PFKFB3: variants seen among roughly 807,000 people sequenced by gnomAD.
The protein encoded by PFKFB3 is 6-phosphofructo-2-kinase/fructose-2,6-bisphosphatase 3.
Under a neutral mutation model 68.0 loss-of-function variants are expected in PFKFB3, and 33 were observed. The ratio of observed to expected loss-of-function variants is 0.49; its 90% confidence interval spans 0.37 to 0.65. The LOEUF is 0.65. PFKFB3 is among the 30% of genes least tolerant of loss of function. The probability of loss-of-function intolerance (pLI) is 0.00; values close to 1 mark genes in which losing one functional copy is unlikely to be tolerated. For missense variants in PFKFB3, 586 were observed against 712.2 expected (o/e 0.82, Z 2.02); for synonymous variants, 315 against 288.2 (o/e 1.09, Z -0.94).
chr10:6,175,826 T>G (rs183273295), intron 1 of PFKFB3, among the ~76,000 whole-genome samples: 107 of 152,364 alleles, frequency 7.0e-4, no homozygotes, highest in African/African-American at 2.5e-3. Flanking sequence ...CCACACCTGT[T>G]TTAGTTAGAG....
chr10:6,265,012 A>T, the PFKFB3 span, among the ~76,000 whole-genome samples: 1 of 152,026 alleles, frequency 6.6e-6, no homozygotes, highest in Non-Finnish European at 1.5e-5. Context: ...TCTCATTCAG[A>T]GACACCTACT....
chr10:6,318,313 G>A, the PFKFB3 span, among the ~76,000 whole-genome samples: 1 of 152,320 alleles, frequency 6.6e-6, no homozygotes, highest in Middle Eastern at 3.4e-3. Flanking sequence ...GACAACCATC[G>A]GAGTGGGGAG....
At chr10:6,307,935 T>G in the PFKFB3 span, among the ~76,000 whole-genome samples, 1 of 152,200 alleles carries the variant, frequency 6.6e-6, no homozygotes, top group Non-Finnish European at 1.5e-5. Flanking sequence ...AGTGATTTTC[T>G]TATTAAATAA....
intron 1 of PFKFB3, chr10:6,152,163 A>C (rs913814594): frequency 6.5e-6 from 1 of 154,428 alleles, no homozygotes; most frequent in Non-Finnish European, 1.5e-5. Context: ...AAGGCCACTA[A>C]TGGGTGGTGA....
At chr10:6,222,660 A>T in intron 10 of PFKFB3, 195 bp from the exon 11 acceptor site, 1 of 485,000 alleles carries the variant, frequency 2.1e-6, no homozygotes, top group South Asian at 2.7e-5. Flanking sequence ...CCCGTGTGGG[A>T]GCGGAGTGGG....
intron 1 of PFKFB3, among the ~76,000 whole-genome samples, chr10:6,186,468 C>G (rs1230956471): frequency 2.6e-5 from 4 of 152,214 alleles, no homozygotes; most frequent in Non-Finnish European, 4.4e-5. Context: ...TACCAGTGAA[C>G]AGTGCCCCCA....
intron 1 of PFKFB3, among the ~76,000 whole-genome samples, chr10:6,206,600 C>CCCGGACGGGGCGGCTGG (rs1843732994): frequency 6.8e-6 from 1 of 146,726 alleles, no homozygotes; most frequent in Admixed American, 6.7e-5. Context: ...CCACCTCCCT[C>CCCGGACGGGGCGGCTGG]CCGGACGGGG....
chr10:6,211,307 A>G (rs1197224195), intron 1 of PFKFB3, among the ~76,000 whole-genome samples: 4 of 152,200 alleles, frequency 2.6e-5, no homozygotes, highest in East Asian at 1.9e-4. Flanking sequence ...GGATAAATCA[A>G]TCAGCCTCTG....
intron 7 of PFKFB3, among the ~76,000 whole-genome samples, 181 bp downstream of exon 7, chr10:6,219,874 T>C (rs1844834069): frequency 6.6e-6 from 1 of 151,400 alleles, no homozygotes; most frequent in African/African-American, 2.4e-5. Context: ...TGGCCTCAGG[T>C]GATCCACATA....
chr10:6,200,272 T>C (rs1843294431), upstream of PFKFB3, among the ~76,000 whole-genome samples: 1 of 152,314 alleles, frequency 6.6e-6, no homozygotes, highest in African/African-American at 2.4e-5. Flanking sequence ...TGTAAAAGAA[T>C]CATCGTATTA....
chr10:6,151,459 T>A (rs1011369073), intron 1 of PFKFB3, among the ~76,000 whole-genome samples: 1 of 152,194 alleles, frequency 6.6e-6, no homozygotes, highest in Non-Finnish European at 1.5e-5. Context: ...AAGAAGCAGA[T>A]TTCCCAGAGG....
downstream of PFKFB3, among the ~76,000 whole-genome samples, chr10:6,258,764 C>T (rs1846512521): frequency 1.3e-5 from 2 of 152,136 alleles, no homozygotes; most frequent in Admixed American, 6.5e-5. Context: ...GGATTGATGG[C>T]CTTGGCAGAA....
intron 14 of PFKFB3, among the ~76,000 whole-genome samples, chr10:6,230,549 A>T (rs1247177792): frequency 6.6e-6 from 1 of 152,048 alleles, no homozygotes; most frequent in Non-Finnish European, 1.5e-5. Flanking sequence ...TGCTGTTGTT[A>T]TCAGGGAGGA....
At chr10:6,247,101 G>A (rs1289818204) in intron 14 of PFKFB3, among the ~76,000 whole-genome samples, 1 of 152,214 alleles carries the variant, frequency 6.6e-6, no homozygotes, top group East Asian at 1.9e-4. Context: ...GGAAGCAGAA[G>A]CAAGATGTCT....
intron 14 of PFKFB3, chr10:6,231,466 G>C (rs1409238373): frequency 2.0e-6 from 2 of 985,306 alleles, no homozygotes; most frequent in Non-Finnish European, 2.4e-6. Flanking sequence ...TTTCTAGTCT[G>C]TCTCTCACCC....
At chr10:6,287,811 G>C in the PFKFB3 span, among the ~76,000 whole-genome samples, 1 of 151,188 alleles carries the variant, frequency 6.6e-6, no homozygotes. Context: ...CTATCTGTTA[G>C]ATCAATTAAG....
At chr10:6,299,087 G>GT in the PFKFB3 span, among the ~76,000 whole-genome samples, 2 of 152,034 alleles carry the variant, frequency 1.3e-5, no homozygotes, top group Non-Finnish European at 2.9e-5. Context: ...TTTAAATTCT[G>GT]TTTTTCCTGG....
the PFKFB3 span, among the ~76,000 whole-genome samples, chr10:6,305,005 ATTTTTTTTTTTTTT>A: frequency 1.4e-4 from 2 of 14,512 alleles, 1 homozygote. Context: ...AATATTAGGA[ATTTTTTTTTTTTTT>A]TTTTTTTTTT....
intron 1 of PFKFB3, among the ~76,000 whole-genome samples, chr10:6,181,627 C>T (rs1198654955): frequency 6.6e-6 from 1 of 151,948 alleles, no homozygotes; most frequent in East Asian, 1.9e-4. Flanking sequence ...CAAGACCAGC[C>T]TGGGAAACAT....
Sources: gnomAD v4.1 joint callset for allele counts (sites outside exome capture counted in the v4.1 genomes callset) on GRCh38, gnomAD v4.1.1 for gene constraint, MANE v1.5 for transcripts, NCBI Gene and HGNC (gene_info 2026-07-23, HGNC 2026-07-21) for gene names.